The following FRAS1 variants were observed in gnomAD, a reference collection of about 807,000 sequenced individuals.
FRAS1 encodes Fraser extracellular matrix complex subunit 1, also known as extracellular matrix organizing protein FRAS1.
Under a neutral mutation model 435.2 loss-of-function variants are expected in FRAS1, and 290 were observed. The ratio of observed to expected loss-of-function variants is 0.67; its 90% confidence interval spans 0.61 to 0.73. The LOEUF (loss-of-function observed/expected upper bound fraction) is 0.73. Ranked by LOEUF, FRAS1 falls within the 30% of genes least tolerant of loss-of-function variation. The pLI, the probability that FRAS1 is intolerant of heterozygous loss-of-function variation, is 0.00. For synonymous variants in FRAS1, 1,800 were observed against 1,851.0 expected, an observed-to-expected ratio of 0.97 and a Z score of 0.71; for missense variants, 4,860 against 5,001.5, an observed-to-expected ratio of 0.97 and a Z score of 0.85.
intron 20 of FRAS1, among the ~76,000 whole-genome samples, chr4:78,338,658 G>A (rs448495): frequency 0.033 from 5,098 of 152,298 alleles, 249 homozygotes; most frequent in African/African-American, 0.12. Flanking sequence ...AGGTGAGAAA[G>A]TGTGCTGAGA....
intron 47 of FRAS1, among the ~76,000 whole-genome samples, chr4:78,453,362 C>T (rs866591743): frequency 6.6e-6 from 1 of 152,114 alleles, no homozygotes; most frequent in African/African-American, 2.4e-5. Flanking sequence ...GAGAATAATG[C>T]GAGAGAGAAT....
chr4:78,421,787 C>G, intron 33 of FRAS1, 76 bp from the exon 34 acceptor site: 2 of 1,504,024 alleles, frequency 1.3e-6, no homozygotes, highest in South Asian at 2.4e-5. Context: ...ACAAGAAGAG[C>G]AGGCTCTATG....
chr4:78,131,675 G>T (rs867193395), intron 2 of FRAS1, among the ~76,000 whole-genome samples: 2 of 152,214 alleles, frequency 1.3e-5, no homozygotes, highest in East Asian at 3.8e-4. Flanking sequence ...CTCTCCGAGT[G>T]ATTTTACAGG....
chr4:78,369,894 G>T lies in FRAS1; in HGVS notation c.2779G>T (p.Asp927Tyr). 6.2e-7 allele frequency: 1 copy of T among 1,613,856 alleles called. No homozygotes were observed. Among genetic ancestry groups the T allele is most frequent in the Non-Finnish European group, 8.5e-7 (1 of 1,179,786 alleles). ...ACAGGCCAGCTGTACCTCCTGCCGA[G>T]ATCCAAACAAGGTTCTGCTCTTTGG... ...DSQASCTSCR[D>Y]PNKVLLFGEC... Residue 927 changes from aspartate (D) to tyrosine (Y), a missense_variant, in exon 23 of 74, where the codon GAT (aspartate) becomes TAT (tyrosine). By Grantham distance (160) the Asp-to-Tyr change is radical. Transcript: ENST00000512123.
intron 44 of FRAS1, among the ~76,000 whole-genome samples, chr4:78,448,892 C>T (rs1250464914): frequency 6.6e-6 from 1 of 152,146 alleles, no homozygotes; most frequent in Non-Finnish European, 1.5e-5. Context: ...TAGGAAGTTA[C>T]TTAATTAAGA....
intron 14 of FRAS1, among the ~76,000 whole-genome samples, chr4:78,291,910 G>A (rs73827941): frequency 0.014 from 2,088 of 152,258 alleles, 53 homozygotes; most frequent in African/African-American, 0.047. Context: ...ATTTTGAATG[G>A]CACCTCTACC....
At chr4:78,240,785 CA>C (rs1191051423) in intron 3 of FRAS1, among the ~76,000 whole-genome samples, 6 of 152,022 alleles carry the variant, frequency 3.9e-5, no homozygotes, top group African/African-American at 1.4e-4. Flanking sequence ...TTGGGGAGCA[CA>C]GTCATTTAAG....
intron 2 of FRAS1, among the ~76,000 whole-genome samples, chr4:78,130,369 C>T (rs1024866367): frequency 1.3e-5 from 2 of 152,164 alleles, no homozygotes; most frequent in Non-Finnish European, 2.9e-5. Context: ...GAACTAACAA[C>T]TGCATTTGTG....
chr4:78,507,468 C>T lies in FRAS1; in HGVS notation c.9364C>T (p.Arg3122Trp), dbSNP rs200346497. 456 of 1,612,366 alleles carry T rather than the reference C, an allele frequency of 2.8e-4. No homozygotes were observed. In the Middle Eastern group the frequency reaches 4.5e-3, roughly 16 times the overall value. Residue 3122 changes from arginine (R) to tryptophan (W), a missense_variant, in exon 62 of 74, where the codon CGG becomes TGG. Arg to Trp is a moderately radical substitution (Grantham distance 101). Coordinates refer to ENST00000512123, the MANE Select transcript of FRAS1 (RefSeq NM_025074.7). ...AGTTGAGATCCTGTCCAATGAAGAC[C>T]GGGAATGGCATGAATCTTTCTCACT... ...FKVEILSNED[R>W]EWHESFSLVL...
rs1398044040 is a variant in FRAS1 at position 78,421,967 on chromosome 4, C to T, written c.4645C>T (p.His1549Tyr). The T allele has an allele frequency of 1.1e-5, 17 of 1,613,388 alleles. No individual in the cohort carries two copies. The highest frequency in any genetic ancestry group is 1.4e-5 in the Non-Finnish European group (16 of 1,179,578). The stretch of plus-strand genomic sequence containing the variant: ...GTACCGCCCTCCCCCGGCAGCACCC[C>T]ACCTCCAGGAGCTCATGGCCTTCTC... ...VMYRPPPAAP[H>Y]LQELMAFSFA... The change falls in exon 34 of 74, where the codon CAC becomes TAC. Residue 1549 changes from histidine to tyrosine, a missense_variant. Transcript: ENST00000512123.
At chr4:78,367,790 T>C (rs1394731897) in intron 22 of FRAS1, among the ~76,000 whole-genome samples, 4 of 152,228 alleles carry the variant, frequency 2.6e-5, no homozygotes, top group African/African-American at 9.6e-5. Context: ...CTGGTTAAGG[T>C]AACTGAACTG....
chr4:78,219,423 A>G (rs1437353442), intron 2 of FRAS1, among the ~76,000 whole-genome samples: 1 of 152,228 alleles, frequency 6.6e-6, no homozygotes, highest in East Asian at 1.9e-4. Flanking sequence ...AACCACAAAT[A>G]ATATATTTCC....
intron 2 of FRAS1, among the ~76,000 whole-genome samples, chr4:78,105,862 A>T (rs1005988548): frequency 1.4e-5 from 2 of 142,518 alleles, no homozygotes; most frequent in African/African-American, 5.3e-5. Context: ...AGGGAGTGCC[A>T]GACAGTGGGC....
rs982244523 is a variant in FRAS1, at chr4:78,370,399, G to A, written c.2869+415G>A. On this transcript the variant is annotated intron_variant, in intron 23 of 73. Transcript: ENST00000512123. ...GTTGTTGGTTTTTTCTTAACCAGAA[G>A]CTCTGGTAATGTTGGATATGTATCC... Among the ~76,000 whole-genome samples, 4 of 152,150 alleles carry A rather than the reference G, an allele frequency of 2.6e-5. No individual in the cohort carries two copies. In the South Asian group the frequency reaches 6.2e-4, roughly 24 times the overall value.
chr4:78,317,560 A>T lies in FRAS1; in HGVS notation c.1960+52A>T, dbSNP rs372010707. On this transcript the variant is annotated intron_variant, in intron 17 of 73. Coordinates refer to ENST00000512123, the MANE Select transcript of FRAS1 (RefSeq NM_025074.7). ...GAGAGGCTATCCCACAAGAACATAG[A>T]TTTACTTTTTTCCAATAATATAACT... 5.4e-4 allele frequency: 819 copies of T among 1,527,726 alleles called. 4 individuals carry two copies. In the African/African-American group the frequency reaches 0.011, roughly 20 times the overall value. 94.6% of individuals were successfully genotyped at this position (1,527,726 alleles called of 1,614,324 possible).
chr4:78,232,463 T>C (rs2110109624), intron 2 of FRAS1, among the ~76,000 whole-genome samples: 1 of 152,126 alleles, frequency 6.6e-6, no homozygotes, highest in East Asian at 1.9e-4. Flanking sequence ...TTTTTTGTGT[T>C]TTTAGTAGAG....
At chr4:78,139,284 A>G (rs1720058248) in intron 2 of FRAS1, among the ~76,000 whole-genome samples, 1 of 152,094 alleles carries the variant, frequency 6.6e-6, no homozygotes. Context: ...AGAGGAATAA[A>G]GAAACTGGGG....
At chr4:78,379,535 C>T in intron 26 of FRAS1, 191 bp from the exon 27 acceptor site, 1 of 596,202 alleles carries the variant, frequency 1.7e-6, no homozygotes, top group Admixed American at 3.5e-5. Flanking sequence ...CGGTTGTGGT[C>T]TTTTGTAACA....
intron 6 of FRAS1, among the ~76,000 whole-genome samples, chr4:78,256,152 C>T (rs1310768558): frequency 6.6e-6 from 1 of 152,086 alleles, no homozygotes; most frequent in Non-Finnish European, 1.5e-5. Context: ...AATAACATAG[C>T]ATATTGTGAC....
Sources: gnomAD v4.1 joint callset for allele counts (sites outside exome capture counted in the v4.1 genomes callset) on GRCh38, gnomAD v4.1.1 for gene constraint, MANE v1.5 for transcripts, NCBI Gene and HGNC (gene_info 2026-07-23, HGNC 2026-07-21) for gene names.